LRP2: variants seen among roughly 807,000 people sequenced by gnomAD.
LRP2 encodes the protein low-density lipoprotein receptor-related protein 2.
In LRP2, 172 loss-of-function variants were observed where a neutral mutation model predicts 531.0. That is an observed-to-expected ratio of 0.32 (90% confidence interval 0.29 to 0.37). LRP2 has a LOEUF of 0.37. Ranked by LOEUF, LRP2 falls within the 10% of genes least tolerant of loss-of-function variation. LRP2 has a pLI of 1.00. For missense variants in LRP2, 5,167 were observed against 5,868.3 expected, an observed-to-expected ratio of 0.88 and a Z score of 3.90; for synonymous variants, 1,992 against 2,027.6, an observed-to-expected ratio of 0.98 and a Z score of 0.47.
In LRP2 at chr2:169,175,402, C is replaced by T. The variant is rs372963344; in HGVS notation, c.10572-13G>A. The T allele has an allele frequency of 3.9e-5, 63 of 1,613,046 alleles. No individual in the cohort carries two copies. The highest frequency in any genetic ancestry group is 5.2e-5 in the Non-Finnish European group (61 of 1,179,450). On this transcript the variant is annotated splice_polypyrimidine_tract_variant and intron_variant, in intron 54 of 78. Transcript: ENST00000649046. ...GATAGGAATGCACCTGCACAGAGAA[C>T]ATACAGCACTTCTTTAGCAAAGCAC...
chr2:169,342,832 T>C (rs1241425867), intron 1 of LRP2, among the ~76,000 whole-genome samples: 1 of 152,250 alleles, frequency 6.6e-6, no homozygotes, highest in African/African-American at 2.4e-5. Flanking sequence ...TCAGTGATTA[T>C]TTTAACTGTA....
chr2:169,215,913 G>C (rs978985344), intron 35 of LRP2, among the ~76,000 whole-genome samples: 1 of 151,010 alleles, frequency 6.6e-6, no homozygotes, highest in Non-Finnish European at 1.5e-5. Flanking sequence ...TACTTTCAAA[G>C]AAAAACACTG....
intron 45 of LRP2, among the ~76,000 whole-genome samples, chr2:169,198,348 AG>A (rs1688075108): frequency 6.6e-6 from 1 of 152,176 alleles, no homozygotes; most frequent in South Asian, 2.1e-4. Context: ...CAGGAGGCAG[AG>A]GCTGCGGTGA....
chr2:169,153,988 T>C (rs937978345), intron 66 of LRP2, among the ~76,000 whole-genome samples: 5 of 152,196 alleles, frequency 3.3e-5, no homozygotes, highest in Admixed American at 2.6e-4. Flanking sequence ...TAGAAAGATA[T>C]TATGTGGTCA....
chr2:169,157,365 C>T lies in LRP2; in HGVS notation c.12019+6G>A. ...CTAAACAGGAATTGGAAAAAATATA[C>T]TCTACCTAGACAGGAGGTTCTGTCA... On this transcript the variant is annotated splice_donor_region_variant and intron_variant, in intron 64 of 78. Coordinates refer to ENST00000649046, the MANE Select transcript of LRP2 (RefSeq NM_004525.3). 2 of 1,612,930 alleles carry T rather than the reference C, an allele frequency of 1.2e-6. No homozygotes were observed. Among genetic ancestry groups the T allele is most frequent in the Non-Finnish European group, 1.7e-6 (2 of 1,179,300 alleles).
rs374271891 is a variant in LRP2 at position 169,225,835 on chromosome 2, C to A, written c.5395-382G>T. ...CTTCCTCCTTTATAGTCTTCTTGCTCTTTCCCTATTCTTACAGGTTTTTTC... is the reference window on the plus strand; with the variant it reads ...CTTCCTCCTTTATAGTCTTCTTGCTATTTCCCTATTCTTACAGGTTTTTTC... On this transcript the variant is annotated intron_variant, in intron 32 of 78. Coordinates refer to ENST00000649046, the MANE Select transcript of LRP2 (RefSeq NM_004525.3). 2.6e-3 allele frequency among the ~76,000 whole-genome samples: 393 copies of A among 152,332 alleles called. 20 individuals are homozygous for A. The South Asian group carries it at 0.068, about 26-fold the overall frequency.
chr2:169,254,592 A>T (rs190416140), intron 19 of LRP2, among the ~76,000 whole-genome samples: 2,949 of 81,158 alleles, frequency 0.036, 242 homozygotes, highest in East Asian at 0.043. Context: ...ATGTATACAT[A>T]TGTAACTAAC....
intron 3 of LRP2, among the ~76,000 whole-genome samples, chr2:169,312,479 T>A (rs1684640576): frequency 6.6e-6 from 1 of 152,202 alleles, no homozygotes; most frequent in Non-Finnish European, 1.5e-5. Flanking sequence ...TTTGGCTGGA[T>A]ATGAAATTCT....
chr2:169,174,312 G>T, intron 55 of LRP2, 148 bp from the exon 56 acceptor site: 1 of 881,092 alleles, frequency 1.1e-6, no homozygotes, highest in Non-Finnish European at 1.8e-6. Flanking sequence ...ACTACTACAT[G>T]GAGCACTTCT....
intron 1 of LRP2, among the ~76,000 whole-genome samples, chr2:169,333,808 A>G (rs1045661118): frequency 1.3e-5 from 2 of 152,156 alleles, no homozygotes; most frequent in Admixed American, 6.5e-5. Flanking sequence ...CCAGCAGGTT[A>G]TCTTTGCACC....
At chr2:169,329,650 A>T (rs983080322) in intron 1 of LRP2, among the ~76,000 whole-genome samples, 10 of 152,214 alleles carry the variant, frequency 6.6e-5, no homozygotes, top group African/African-American at 2.4e-4. Flanking sequence ...TTGGAGCTCC[A>T]CTTCAATCCC....
chr2:169,361,248 G>A (rs1452954516), intron 1 of LRP2, among the ~76,000 whole-genome samples: 1 of 151,980 alleles, frequency 6.6e-6, no homozygotes, highest in Non-Finnish European at 1.5e-5. Flanking sequence ...CGCAAAGCCA[G>A]GGGGAGAGCT....
chr2:169,184,606 T>G (rs1687561308), intron 50 of LRP2, among the ~76,000 whole-genome samples: 1 of 152,208 alleles, frequency 6.6e-6, no homozygotes, highest in Non-Finnish European at 1.5e-5. Flanking sequence ...GAAGTGTGGT[T>G]CATCTGGTAG....
chr2:169,266,521 T>TA (rs768422655), intron 16 of LRP2, among the ~76,000 whole-genome samples: 27 of 152,072 alleles, frequency 1.8e-4, no homozygotes, highest in Non-Finnish European at 3.5e-4. Context: ...TTATGAGCAA[T>TA]ATATGAACCG....
chr2:169,233,279 G>A, intron 30 of LRP2, 132 bp downstream of exon 30: 1 of 919,160 alleles, frequency 1.1e-6, no homozygotes, highest in Admixed American at 2.0e-5. Context: ...AGTATATAGT[G>A]GGGTGGTTTG....
intron 1 of LRP2, among the ~76,000 whole-genome samples, chr2:169,341,892 C>T (rs562657210): frequency 1.2e-4 from 18 of 152,264 alleles, no homozygotes; most frequent in African/African-American, 4.3e-4. Flanking sequence ...CTTTCTGCCT[C>T]TCTATTCACT....
At chr2:169,155,890 G>T (rs901325559) in intron 65 of LRP2, among the ~76,000 whole-genome samples, 4 of 152,048 alleles carry the variant, frequency 2.6e-5, no homozygotes, top group Non-Finnish European at 5.9e-5. Context: ...GGAGCTAGAG[G>T]GCCTTGTTAC....
chr2:169,246,566 CT>C lies in LRP2; in HGVS notation c.3190+138del, dbSNP rs200399525. On this transcript the variant is annotated intron_variant, in intron 21 of 78. Transcript: ENST00000649046. Reference sequence around the variant, plus strand: ...ATTTCTTGCTTAGCTTCCTAAAAGCCTTCAAAGTGCATGTTAAGAATCTGAA... The same window carrying C: ...ATTTCTTGCTTAGCTTCCTAAAAGCCTCAAAGTGCATGTTAAGAATCTGAA... 1.2e-3 allele frequency: 1,197 copies of C among 1,039,682 alleles called. 15 individuals are homozygous for C. In the African/African-American group the frequency reaches 0.016, roughly 14 times the overall value. The allele number at this position is 1,039,682 out of a possible 1,614,324, so 64.4% of individuals were successfully genotyped here.
rs1241625532 is a variant in LRP2 at position 169,279,490 on chromosome 2, G to C, written c.1447C>G (p.Leu483Val). The change falls in exon 12 of 79, where the codon CTA (leucine) becomes GTA (valine). Residue 483 changes from leucine to valine, a missense_variant. This residue lies in a region of LRP2 where 2,811 missense variants were observed against 3,058.0 expected (regional missense o/e 0.92). Transcript: ENST00000649046. Reference sequence around the variant, plus strand: ...ATGCGGTTGACCTTGGTTTCCACTAGATAGATTTTATTATTAACCCAGTCC... The same window carrying C: ...ATGCGGTTGACCTTGGTTTCCACTACATAGATTTTATTATTAACCCAGTCC... The part of the protein sequence containing the change: ...AVDWVNNKIY[L>V]VETKVNRIDM... The C allele has an allele frequency of 6.2e-7, 1 of 1,613,684 alleles. No individual in the cohort carries two copies. The highest frequency in any genetic ancestry group is 8.5e-7 in the Non-Finnish European group (1 of 1,179,670).
Sources: gnomAD v4.1 joint callset for allele counts (sites outside exome capture counted in the v4.1 genomes callset) on GRCh38, gnomAD v4.1.1 for gene constraint, gnomAD v4.1.1 regional missense constraint, MANE v1.5 for transcripts, NCBI Gene and HGNC (gene_info 2026-07-23, HGNC 2026-07-21) for gene names.